CDH12: variants seen among roughly 807,000 people sequenced by gnomAD.
The protein encoded by CDH12 is cadherin 12.
A neutral mutation model predicts 74.1 loss-of-function variants in CDH12; 41 were observed. The observed-to-expected ratio is 0.55, with a 90% CI of 0.43 to 0.72. The LOEUF (loss-of-function observed/expected upper bound fraction) is 0.72. Ranked by LOEUF, CDH12 falls within the 30% of genes least tolerant of loss-of-function variation. The pLI, the probability that CDH12 is intolerant of heterozygous loss-of-function variation, is 0.00. For missense variants in CDH12, 945 were observed against 977.2 expected (o/e 0.97, Z 0.44); for synonymous variants, 399 against 355.0 (o/e 1.12, Z -1.39).
At chr5:22,409,510 T>C (rs1580617687) in intron 2 of CDH12, among the ~76,000 whole-genome samples, 1 of 152,188 alleles carries the variant, frequency 6.6e-6, no homozygotes, top group East Asian at 1.9e-4. Flanking sequence ...TGGAATACCA[T>C]ATTATATTGA....
chr5:22,356,001 A>C (rs1444541153), intron 3 of CDH12, among the ~76,000 whole-genome samples: 3 of 152,202 alleles, frequency 2.0e-5, no homozygotes, highest in Admixed American at 6.5e-5. Context: ...TTAAGTAAGC[A>C]AATCATCCAT....
intron 3 of CDH12, among the ~76,000 whole-genome samples, chr5:22,334,647 C>T (rs1739497791): frequency 3.9e-5 from 6 of 152,020 alleles, no homozygotes; most frequent in Admixed American, 2.6e-4. Flanking sequence ...GGCATAAAAC[C>T]AGACACATAG....
intron 3 of CDH12, among the ~76,000 whole-genome samples, chr5:22,325,715 T>G (rs1207755929): frequency 6.6e-6 from 1 of 151,938 alleles, no homozygotes; most frequent in Non-Finnish European, 1.5e-5. Context: ...TGAAACCCCG[T>G]CTCTACTAAA....
intron 1 of CDH12, among the ~76,000 whole-genome samples, chr5:22,535,290 G>A (rs1215388088): frequency 2.0e-5 from 3 of 151,798 alleles, no homozygotes; most frequent in East Asian, 1.9e-4. Context: ...GAGTAGCTGG[G>A]ACTACAGGCG....
At chr5:22,447,553 T>C (rs1325501367) in intron 2 of CDH12, among the ~76,000 whole-genome samples, 1 of 152,132 alleles carries the variant, frequency 6.6e-6, no homozygotes, top group African/African-American at 2.4e-5. Flanking sequence ...AATACATGCT[T>C]GGATTAAATC....
intron 1 of CDH12, among the ~76,000 whole-genome samples, chr5:22,851,264 C>T (rs1210383157): frequency 6.6e-6 from 1 of 152,008 alleles, no homozygotes; most frequent in African/African-American, 2.4e-5. Flanking sequence ...GATCACATCA[C>T]TAAGCAGATC....
At chr5:22,284,030 A>G (rs1397973504) in intron 3 of CDH12, among the ~76,000 whole-genome samples, 1 of 152,132 alleles carries the variant, frequency 6.6e-6, no homozygotes, top group Admixed American at 6.6e-5. Flanking sequence ...TTAGTTACTG[A>G]CTACATTTTT....
rs115726644 is a variant in CDH12 at position 21,823,955 on chromosome 5, C to T, written c.815-6823G>A. On this transcript the variant is annotated intron_variant, in intron 8 of 14. Transcript: ENST00000382254. ...TGCTTTGTCTTTTCTTGGATGAAGA[C>T]AATGGTGAGTAAATGATGTTTCTTC... Among the ~76,000 whole-genome samples the T allele has an allele frequency of 7.4e-3, 1,123 of 152,044 alleles. 17 individuals are homozygous for T. The highest frequency in any genetic ancestry group is 0.026 in the African/African-American group (1,090 of 41,480).
chr5:22,211,474 A>G (rs1751538138), intron 4 of CDH12, among the ~76,000 whole-genome samples: 1 of 152,120 alleles, frequency 6.6e-6, no homozygotes, highest in South Asian at 2.1e-4. Flanking sequence ...ATAATTATTT[A>G]ATTACTCTTA....
intron 1 of CDH12, among the ~76,000 whole-genome samples, chr5:22,514,620 G>A (rs908899841): frequency 6.6e-6 from 1 of 152,192 alleles, no homozygotes; most frequent in African/African-American, 2.4e-5. Flanking sequence ...TGGCCTGGCA[G>A]GCTCTTATCT....
At chr5:21,937,298 G>A (rs1013879210) in intron 6 of CDH12, among the ~76,000 whole-genome samples, 1 of 152,136 alleles carries the variant, frequency 6.6e-6, no homozygotes, top group African/African-American at 2.4e-5. Context: ...TTAAGAAAGA[G>A]AATAGTGTGA....
At chr5:22,327,561 A>G (rs926615888) in intron 3 of CDH12, among the ~76,000 whole-genome samples, 1 of 152,094 alleles carries the variant, frequency 6.6e-6, no homozygotes, top group East Asian at 1.9e-4. Flanking sequence ...CCTTCTGCAT[A>G]TCTTAAGCTT....
Position 22,042,907 on chromosome 5 carries a change from A to G in CDH12, c.231+35539T>C, listed in dbSNP as rs1739676759. ...TCTATCTCAAAAAAAAAAAAAAAAA[A>G]AAAAATTCATAATAGACCTATAATG... is the stretch of plus-strand genomic sequence containing the variant. On this transcript the variant is annotated intron_variant, in intron 5 of 14. Coordinates refer to ENST00000382254, the MANE Select transcript of CDH12 (RefSeq NM_004061.5). 2.0e-5 allele frequency among the ~76,000 whole-genome samples: 3 copies of G among 151,482 alleles called. No individual in the cohort carries two copies. The South Asian group carries it at 6.2e-4, about 31-fold the overall frequency.
intron 3 of CDH12, among the ~76,000 whole-genome samples, chr5:22,235,646 T>A (rs1752536081): frequency 6.6e-6 from 1 of 152,062 alleles, no homozygotes; most frequent in Non-Finnish European, 1.5e-5. Context: ...CAGATAAACT[T>A]CTCTAGTAAA....
chr5:22,277,841 C>T (rs1180395873), intron 3 of CDH12, among the ~76,000 whole-genome samples: 2 of 152,058 alleles, frequency 1.3e-5, no homozygotes, highest in East Asian at 1.9e-4. Flanking sequence ...TCTCAAACAA[C>T]AACAACAAAC....
At chr5:22,020,820 G>A (rs10045936) in intron 5 of CDH12, among the ~76,000 whole-genome samples, 33,578 of 151,874 alleles carry the variant, frequency 0.22, 3,769 homozygotes, top group South Asian at 0.33. Context: ...CACATTAGAT[G>A]TTAGGGCTTC....
intron 1 of CDH12, among the ~76,000 whole-genome samples, chr5:22,609,348 T>C (rs1361821539): frequency 8.5e-5 from 13 of 152,204 alleles, no homozygotes. Context: ...CTAATATATA[T>C]GTTCTCTCTT....
intron 1 of CDH12, among the ~76,000 whole-genome samples, chr5:22,850,871 C>T (rs1030562794): frequency 1.8e-4 from 27 of 152,100 alleles, no homozygotes; most frequent in African/African-American, 6.5e-4. Context: ...CATGGCAAGA[C>T]TGATTTGATG....
At chr5:22,589,231 T>C (rs1313080492) in intron 1 of CDH12, among the ~76,000 whole-genome samples, 3 of 152,158 alleles carry the variant, frequency 2.0e-5, no homozygotes, top group East Asian at 3.9e-4. Flanking sequence ...ACAGAAGACA[T>C]GTAACTGCTG....
Sources: gnomAD v4.1 joint callset for allele counts (sites outside exome capture counted in the v4.1 genomes callset) on GRCh38, gnomAD v4.1.1 for gene constraint, MANE v1.5 for transcripts, NCBI Gene and HGNC (gene_info 2026-07-23, HGNC 2026-07-21) for gene names.